SLC25A16: variants seen among roughly 807,000 people sequenced by gnomAD.
SLC25A16 encodes the protein solute carrier family 25 member 16.
In SLC25A16, 39 loss-of-function variants were observed where a neutral mutation model predicts 41.5. That is an observed-to-expected ratio of 0.94 (90% CI 0.73 to 1.23). The LOEUF (loss-of-function observed/expected upper bound fraction) is 1.23. SLC25A16 is among the 50% of genes most tolerant of loss of function. SLC25A16 has a pLI of 0.00. For missense variants in SLC25A16, 421 were observed against 426.9 expected, an observed-to-expected ratio of 0.99 and a Z score of 0.12; for synonymous variants, 146 against 147.8, an observed-to-expected ratio of 0.99 and a Z score of 0.09.
At chr10:68,502,542 C>G (rs886340472) in intron 4 of SLC25A16, among the ~76,000 whole-genome samples, 1 of 150,942 alleles carries the variant, frequency 6.6e-6, no homozygotes, top group Admixed American at 6.6e-5. Flanking sequence ...CCAGCCTGGG[C>G]AACATGACAA....
rs1263419109 is a variant in SLC25A16 at position 68,488,593 on chromosome 10, A to T, written c.647T>A (p.Val216Asp). 1 of 1,613,142 alleles carries T rather than the reference A, an allele frequency of 6.2e-7. No homozygotes were observed. The highest frequency in any genetic ancestry group is 1.3e-5 in the African/African-American group (1 of 74,904). Residue 216 changes from valine to aspartate, a missense_variant, in exon 7 of 9, where the codon GTT becomes GAT. By Grantham distance (152) the Val-to-Asp change is radical. Coordinates refer to ENST00000609923, the MANE Select transcript of SLC25A16 (RefSeq NM_152707.4). ...SFFTFGTLKS[V>D]GLSHAPTLLG... ...AAGGGTAGGAGCATGGGAAAGCCCA[A>T]CACTCTTCAAGGTACCAAAAGTAAA...
intron 8 of SLC25A16, among the ~76,000 whole-genome samples, chr10:68,485,442 T>C (rs2052543321): frequency 6.6e-6 from 1 of 152,058 alleles, no homozygotes; most frequent in African/African-American, 2.4e-5. Context: ...TGGAGTGCAG[T>C]GGCATGATCT....
chr10:68,517,471 A>G (rs1278167069), intron 1 of SLC25A16: 3 of 152,964 alleles, frequency 2.0e-5, no homozygotes, highest in African/African-American at 7.2e-5. Flanking sequence ...AAGCAATAAT[A>G]TAGACTTCTC....
chr10:68,492,246 T>C (rs1276755514), intron 6 of SLC25A16, among the ~76,000 whole-genome samples: 3 of 152,196 alleles, frequency 2.0e-5, no homozygotes, highest in Non-Finnish European at 4.4e-5. Flanking sequence ...AGCAACCTGA[T>C]TGTTCATTGT....
chr10:68,480,487 TA>T lies in SLC25A16; in HGVS notation c.*2944del, dbSNP rs1363814188. 8.1e-6 allele frequency: 1 copy of T among 123,564 alleles called. No homozygotes were observed. Among genetic ancestry groups the T allele is most frequent in the Non-Finnish European group, 1.6e-5 (1 of 63,120 alleles). 7.7% of individuals were successfully genotyped at this position (123,564 alleles called of 1,614,324 possible). A position where few individuals can be genotyped will look rare whatever the true frequency, so the allele number is the denominator to read the frequency against. On this transcript the variant is annotated 3_prime_UTR_variant, in exon 9 of 9. Coordinates refer to ENST00000609923, the MANE Select transcript of SLC25A16 (RefSeq NM_152707.4). ...CCTTTTACTGATAACCTAACTGAGG[TA>T]TCTTTTTTTTTTTTTTTTTTTTTTT...
At chr10:68,519,993 A>C (rs201698188) in intron 1 of SLC25A16, among the ~76,000 whole-genome samples, 1 of 146,770 alleles carries the variant, frequency 6.8e-6, no homozygotes. Context: ...TTTTTTTTCC[A>C]GGGCTGGAGT....
intron 4 of SLC25A16, among the ~76,000 whole-genome samples, chr10:68,496,218 C>T (rs1304811773): frequency 6.6e-6 from 1 of 152,118 alleles, no homozygotes; most frequent in East Asian, 1.9e-4. Flanking sequence ...GAATATGTAA[C>T]AACGTGGGAA....
chr10:68,504,720 A>G (rs1216507659), intron 3 of SLC25A16, among the ~76,000 whole-genome samples: 8 of 136,900 alleles, frequency 5.8e-5, no homozygotes, highest in East Asian at 2.2e-4. Context: ...TCACTCTGTC[A>G]CCCAGGCTGG....
intron 4 of SLC25A16, 60 bp from the exon 5 acceptor site, chr10:68,493,630 CT>C: frequency 1.5e-6 from 2 of 1,300,582 alleles, no homozygotes. Flanking sequence ...ATATATTCCC[CT>C]ATCATTAGTA....
rs114058475 is a variant in SLC25A16, at chr10:68,517,473, A to G, written c.131-630T>C. The G allele has an allele frequency of 4.0e-3, 612 of 152,974 alleles. 8 individuals are homozygous for G. The highest frequency in any genetic ancestry group is 0.014 in the African/African-American group (591 of 41,594). The allele number at this position is 152,974 out of a possible 1,614,324, so 9.5% of individuals were successfully genotyped here. A position where few individuals can be genotyped will look rare whatever the true frequency, so the allele number is the denominator to read the frequency against. ...TGGCATGCTTCTAAAGCAATAATAT[A>G]GACTTCTCTACAATACTGTACATCT... On this transcript the variant is annotated intron_variant, in intron 1 of 8. Transcript: ENST00000609923.
intron 8 of SLC25A16, among the ~76,000 whole-genome samples, chr10:68,485,785 C>A (rs1176803240): frequency 6.6e-6 from 1 of 150,454 alleles, no homozygotes; most frequent in African/African-American, 2.4e-5. Flanking sequence ...CGTGCCTCAG[C>A]CTCCTAAGCA....
intron 3 of SLC25A16, 128 bp downstream of exon 3, chr10:68,506,457 A>C: frequency 1.5e-6 from 1 of 688,946 alleles, no homozygotes; most frequent in Non-Finnish European, 2.1e-6. Context: ...ATTAAAAAAA[A>C]AAAACCAATA....
chr10:68,488,680 T>TGA (rs1177128023), intron 6 of SLC25A16, 51 bp from the exon 7 acceptor site: 9 of 1,387,410 alleles, frequency 6.5e-6, no homozygotes, highest in Middle Eastern at 1.8e-4. Context: ...ACATGAGCTG[T>TGA]GAAAAAGACA....
At chr10:68,486,268 T>A (rs1042075698) in intron 8 of SLC25A16, among the ~76,000 whole-genome samples, 8 of 150,462 alleles carry the variant, frequency 5.3e-5, no homozygotes, top group East Asian at 2.0e-4. Context: ...AAAATAATAT[T>A]TTTTTTTATA....
intron 4 of SLC25A16, among the ~76,000 whole-genome samples, chr10:68,495,309 G>C (rs747615645): frequency 6.6e-6 from 1 of 151,952 alleles, no homozygotes; most frequent in Non-Finnish European, 1.5e-5. Context: ...TACTCTACTC[G>C]GGAGGCTGAG....
intron 8 of SLC25A16, among the ~76,000 whole-genome samples, chr10:68,484,466 T>A (rs1391249879): frequency 6.6e-6 from 1 of 151,224 alleles, no homozygotes; most frequent in African/African-American, 2.4e-5. Flanking sequence ...CTCACTCTGT[T>A]GCCTAGGCTG....
rs113535365 is a variant in SLC25A16, at chr10:68,487,217, A to G, written c.774-5T>C. On this transcript the variant is annotated splice_region_variant and splice_polypyrimidine_tract_variant and intron_variant, in intron 7 of 8. Coordinates refer to ENST00000609923, the MANE Select transcript of SLC25A16 (RefSeq NM_152707.4). ...CGAGTCACATCAAATGGGTAGCTAA[A>G]AGAAGAAAAAGGCATAAAGAATTAA... The G allele has an allele frequency of 3.7e-5, 60 of 1,612,656 alleles. 2 individuals carry two copies. In the African/African-American group the frequency reaches 4.7e-4, roughly 13 times the overall value.
chr10:68,493,365 A>G (rs2052694129), intron 5 of SLC25A16, 84 bp downstream of exon 5: 1 of 1,254,036 alleles, frequency 8.0e-7, no homozygotes. Context: ...TATAAGTAAA[A>G]GAATAATTAC....
At chr10:68,496,207 G>A (rs1374231489) in intron 4 of SLC25A16, among the ~76,000 whole-genome samples, 1 of 152,144 alleles carries the variant, frequency 6.6e-6, no homozygotes, top group Non-Finnish European at 1.5e-5. Flanking sequence ...TTACTGAAGA[G>A]GAATATGTAA....
Sources: gnomAD v4.1 joint callset for allele counts (sites outside exome capture counted in the v4.1 genomes callset) on GRCh38, gnomAD v4.1.1 for gene constraint, MANE v1.5 for transcripts, NCBI Gene and HGNC (gene_info 2026-07-23, HGNC 2026-07-21) for gene names.